CADM2: variants seen among roughly 807,000 people sequenced by gnomAD.
CADM2 encodes cell adhesion molecule 2, also known as immunoglobulin superfamily member 4D.
Under a neutral mutation model 49.8 loss-of-function variants are expected in CADM2, and 12 were observed. The ratio of observed to expected loss-of-function variants is 0.24; its 90% confidence interval spans 0.15 to 0.39. The LOEUF is 0.39. CADM2 is among the 10% of genes least tolerant of loss of function. CADM2 has a pLI of 1.00. For synonymous variants in CADM2, 214 were observed against 175.4 expected, an observed-to-expected ratio of 1.22 and a Z score of -1.74; for missense variants, 378 against 492.3, an observed-to-expected ratio of 0.77 and a Z score of 2.20.
chr3:85,915,752 A>G (rs562530278), intron 6 of CADM2, among the ~76,000 whole-genome samples: 1 of 152,294 alleles, frequency 6.6e-6, no homozygotes, highest in South Asian at 2.1e-4. Context: ...GTATTTCTCC[A>G]TTGTTTGACA....
chr3:85,582,297 A>T (rs1195669010), intron 1 of CADM2, among the ~76,000 whole-genome samples: 1 of 152,208 alleles, frequency 6.6e-6, no homozygotes, highest in Non-Finnish European at 1.5e-5. Flanking sequence ...AATATAAGGA[A>T]GCATGAAAAG....
At chr3:85,111,654 T>A (rs1294580715) in intron 1 of CADM2, among the ~76,000 whole-genome samples, 2 of 151,524 alleles carry the variant, frequency 1.3e-5, no homozygotes, top group African/African-American at 4.9e-5. Context: ...GGTTGATGGG[T>A]ACCAAAAGAA....
At chr3:86,001,399 G>T (rs1193046182) in intron 8 of CADM2, among the ~76,000 whole-genome samples, 1 of 152,054 alleles carries the variant, frequency 6.6e-6, no homozygotes, top group African/African-American at 2.4e-5. Context: ...CTTAACTGAG[G>T]TTAGAAACCA....
intron 1 of CADM2, among the ~76,000 whole-genome samples, chr3:85,326,525 A>G (rs913686980): frequency 2.0e-5 from 3 of 152,138 alleles, no homozygotes; most frequent in African/African-American, 7.2e-5. Context: ...AAACGTATGT[A>G]TTTTTTCAAA....
At chr3:86,060,322 A>C (rs867910761) in intron 8 of CADM2, among the ~76,000 whole-genome samples, 18 of 152,260 alleles carry the variant, frequency 1.2e-4, no homozygotes, top group South Asian at 8.3e-4. Context: ...ACATCAATGA[A>C]ACCTTTCCCT....
At chr3:85,683,058 C>T (rs2066084660) in intron 1 of CADM2, among the ~76,000 whole-genome samples, 2 of 151,900 alleles carry the variant, frequency 1.3e-5, no homozygotes, top group Admixed American at 6.6e-5. Flanking sequence ...GTTTATTATT[C>T]TGGTGTCACT....
intron 2 of CADM2, among the ~76,000 whole-genome samples, chr3:85,792,318 A>C (rs1011622746): frequency 4.6e-5 from 7 of 152,218 alleles, no homozygotes; most frequent in African/African-American, 1.7e-4. Flanking sequence ...GATATTGTTT[A>C]TCTTATGAGA....
At chr3:85,473,373 G>A (rs1310228983) in intron 1 of CADM2, among the ~76,000 whole-genome samples, 7 of 152,090 alleles carry the variant, frequency 4.6e-5, no homozygotes, top group African/African-American at 1.4e-4. Flanking sequence ...CCTGTGTTTT[G>A]CTTGTAGATG....
intron 1 of CADM2, among the ~76,000 whole-genome samples, chr3:85,394,145 C>G (rs2107408799): frequency 6.6e-6 from 1 of 152,252 alleles, no homozygotes; most frequent in South Asian, 2.1e-4. Context: ...TTTTAAAAAA[C>G]AGTTAAATTA....
At chr3:85,496,039 A>C (rs1049290229) in intron 1 of CADM2, among the ~76,000 whole-genome samples, 1 of 152,186 alleles carries the variant, frequency 6.6e-6, no homozygotes, top group Non-Finnish European at 1.5e-5. Flanking sequence ...TAAAAAATCT[A>C]AATTTCTTTA....
At chr3:85,780,641 T>A (rs1398853156) in intron 2 of CADM2, among the ~76,000 whole-genome samples, 1 of 152,232 alleles carries the variant, frequency 6.6e-6, no homozygotes, top group East Asian at 1.9e-4. Flanking sequence ...CTCAGGCATA[T>A]GTTGATCAGT....
At chr3:85,437,982 A>G (rs1406617576) in intron 1 of CADM2, among the ~76,000 whole-genome samples, 1 of 152,066 alleles carries the variant, frequency 6.6e-6, no homozygotes, top group Non-Finnish European at 1.5e-5. Context: ...GCAAAGTATT[A>G]ACAACTCTCA....
At chr3:85,291,321 C>T (rs967141468) in intron 1 of CADM2, among the ~76,000 whole-genome samples, 9 of 151,734 alleles carry the variant, frequency 5.9e-5, no homozygotes, top group South Asian at 4.1e-4. Flanking sequence ...ATTGGTGTAC[C>T]TGAAAGTGAC....
intron 1 of CADM2, among the ~76,000 whole-genome samples, chr3:85,446,172 T>G (rs2037441775): frequency 6.6e-6 from 1 of 152,168 alleles, no homozygotes; most frequent in Non-Finnish European, 1.5e-5. Flanking sequence ...CTCATCACTG[T>G]TTTTATTACA....
chr3:85,388,768 T>A (rs2034373221), intron 1 of CADM2, among the ~76,000 whole-genome samples: 1 of 151,916 alleles, frequency 6.6e-6, no homozygotes. Context: ...ATTGACAACC[T>A]ACCCACCTCC....
At chr3:86,045,504 G>T (rs1002028096) in intron 8 of CADM2, among the ~76,000 whole-genome samples, 4 of 152,102 alleles carry the variant, frequency 2.6e-5, no homozygotes, top group Non-Finnish European at 5.9e-5. Context: ...CAACTGCCCT[G>T]AAATATGTTA....
intron 1 of CADM2, among the ~76,000 whole-genome samples, chr3:85,229,326 A>T (rs908315641): frequency 6.6e-6 from 1 of 152,154 alleles, no homozygotes; most frequent in Non-Finnish European, 1.5e-5. Flanking sequence ...GGAAAAGTGC[A>T]GTATCTGGGC....
intron 3 of CADM2, among the ~76,000 whole-genome samples, chr3:85,814,689 T>A (rs1473580055): frequency 1.3e-5 from 2 of 151,950 alleles, no homozygotes; most frequent in Non-Finnish European, 2.9e-5. Flanking sequence ...ATAGGAAATA[T>A]CACCACTGAT....
chr3:85,416,231 T>C (rs1030997062), intron 1 of CADM2, among the ~76,000 whole-genome samples: 4 of 151,876 alleles, frequency 2.6e-5, no homozygotes, highest in African/African-American at 9.7e-5. Context: ...TAGAGGGAGG[T>C]AGTCTATTTA....
Sources: gnomAD v4.1 joint callset for allele counts (sites outside exome capture counted in the v4.1 genomes callset) on GRCh38, gnomAD v4.1.1 for gene constraint, MANE v1.5 for transcripts, NCBI Gene and HGNC (gene_info 2026-07-23, HGNC 2026-07-21) for gene names.